TMEM132D: variants seen among roughly 807,000 people sequenced by gnomAD.
TMEM132D encodes mature OL transmembrane protein.
A neutral mutation model predicts 62.3 loss-of-function variants in TMEM132D; 21 were observed. The ratio of observed to expected loss-of-function variants is 0.34; its 90% CI spans 0.24 to 0.49. The LOEUF is 0.49. Among genes scored for constraint, TMEM132D ranks in the 20% least tolerant of loss-of-function variants. The probability of loss-of-function intolerance (pLI) is 0.99; values close to 1 mark genes in which losing one functional copy is unlikely to be tolerated. For missense variants in TMEM132D, 1,346 were observed against 1,402.8 expected (o/e 0.96, Z 0.65); for synonymous variants, 621 against 575.6 (o/e 1.08, Z -1.13).
rs569297726 is a variant in TMEM132D, at chr12:129,842,240, G to A, written c.79+61021C>T. 1.7e-3 allele frequency among the ~76,000 whole-genome samples: 255 copies of A among 151,268 alleles called. 1 individual carries two copies. The highest frequency in any genetic ancestry group is 0.01 in the Middle Eastern group (3 of 292). On this transcript the variant is annotated intron_variant, in intron 1 of 8. Transcript: ENST00000422113. ...TGGGATGACAGGCGTGAGCCACCGC[G>A]CCCGGCCAGCACTCCTGTGTTTTCA...
At position 129,791,951 on chromosome 12, in the gene TMEM132D, C is replaced by T. The variant is rs180700039; in HGVS notation, c.80-91253G>A. Among the ~76,000 whole-genome samples the T allele has an allele frequency of 8.0e-4, 122 of 152,330 alleles. 1 individual carries two copies. The highest frequency in any genetic ancestry group is 7.9e-4 in the Non-Finnish European group (54 of 68,042). ...ACCAAAAGAAGTTATGGAGCCTCCT[C>T]AGCTGATGCTGCCCCCGACAGAGGA... On this transcript the variant is annotated intron_variant, in intron 1 of 8. Transcript: ENST00000422113.
At chr12:129,444,725 A>T (rs926716786) in intron 3 of TMEM132D, among the ~76,000 whole-genome samples, 1 of 152,206 alleles carries the variant, frequency 6.6e-6, no homozygotes, top group Non-Finnish European at 1.5e-5. Context: ...CATGCATATG[A>T]AAAAGGCCCA....
At chr12:129,338,203 A>G (rs1021820873) in intron 3 of TMEM132D, among the ~76,000 whole-genome samples, 1 of 152,158 alleles carries the variant, frequency 6.6e-6, no homozygotes, top group African/African-American at 2.4e-5. Context: ...CTTCCATTGG[A>G]TTTTCCAAAG....
intron 3 of TMEM132D, among the ~76,000 whole-genome samples, chr12:129,444,358 C>A (rs1316081207): frequency 6.6e-6 from 1 of 151,852 alleles, no homozygotes; most frequent in African/African-American, 2.4e-5. Context: ...TGTAACAATA[C>A]ATTCGACAAA....
intron 1 of TMEM132D, among the ~76,000 whole-genome samples, chr12:129,730,436 T>C (rs536268828): frequency 1.1e-3 from 169 of 152,182 alleles, no homozygotes; most frequent in Non-Finnish European, 1.7e-3. Context: ...GAGCTTTATA[T>C]AAACCTTCTA....
At chr12:129,257,522 T>G (rs1880440068) in intron 4 of TMEM132D, among the ~76,000 whole-genome samples, 1 of 152,210 alleles carries the variant, frequency 6.6e-6, no homozygotes, top group Non-Finnish European at 1.5e-5. Flanking sequence ...CCCCTGGTTT[T>G]GACAATGATT....
intron 3 of TMEM132D, among the ~76,000 whole-genome samples, chr12:129,430,409 C>G (rs577496158): frequency 6.6e-6 from 1 of 152,144 alleles, no homozygotes; most frequent in East Asian, 1.9e-4. Flanking sequence ...TCATATCCTT[C>G]GCCCACTTTT....
chr12:129,609,218 T>A (rs372513991), intron 2 of TMEM132D, among the ~76,000 whole-genome samples: 3 of 152,126 alleles, frequency 2.0e-5, no homozygotes, highest in Non-Finnish European at 4.4e-5. Context: ...GTGCTGGGAT[T>A]ACAGGAGTGA....
At chr12:129,594,777 A>ACT (rs1878289275) in intron 2 of TMEM132D, among the ~76,000 whole-genome samples, 1 of 150,994 alleles carries the variant, frequency 6.6e-6, no homozygotes, top group Admixed American at 6.6e-5. Context: ...TCATCCACGG[A>ACT]CTCCCCCTCC....
chr12:129,350,119 A>G (rs1028610623), intron 3 of TMEM132D, among the ~76,000 whole-genome samples: 2 of 152,150 alleles, frequency 1.3e-5, no homozygotes, highest in Admixed American at 1.3e-4. Context: ...TGAATGGAAG[A>G]CCTTTCTTAA....
At chr12:129,223,120 C>T (rs1403749016) in intron 4 of TMEM132D, among the ~76,000 whole-genome samples, 6 of 152,042 alleles carry the variant, frequency 3.9e-5, no homozygotes, top group African/African-American at 7.2e-5. Flanking sequence ...GCAGATTCTT[C>T]GACATTCCTG....
intron 4 of TMEM132D, among the ~76,000 whole-genome samples, chr12:129,304,662 C>CTTT (rs35812965): frequency 3.8e-3 from 358 of 93,536 alleles, no homozygotes; most frequent in Non-Finnish European, 4.8e-3. Flanking sequence ...ATACTTGGAT[C>CTTT]TTTTTTTTTT....
intron 3 of TMEM132D, among the ~76,000 whole-genome samples, chr12:129,440,518 C>G (rs1872908770): frequency 6.6e-6 from 1 of 152,156 alleles, no homozygotes; most frequent in Non-Finnish European, 1.5e-5. Flanking sequence ...TGGGGTTTCT[C>G]TAGGCTCGGT....
rs145261962 is a variant in TMEM132D at position 129,381,242 on chromosome 12, G to T, written c.1116-43425C>A. Among the ~76,000 whole-genome samples, 479 of 152,248 alleles carry T rather than the reference G, an allele frequency of 3.1e-3. 2 individuals carry two copies. Among genetic ancestry groups the T allele is most frequent in the African/African-American group, 0.011 (460 of 41,540 alleles). ...ATATTAAGAGAAACTATGCCAATTAGTATTTTATTTCTTCTTTTCTCCTAT... is the reference window on the plus strand; with the variant it reads ...ATATTAAGAGAAACTATGCCAATTATTATTTTATTTCTTCTTTTCTCCTAT... On this transcript the variant is annotated intron_variant, in intron 3 of 8. Transcript: ENST00000422113.
chr12:129,403,317 T>C (rs1336449779), intron 3 of TMEM132D, among the ~76,000 whole-genome samples: 2 of 148,844 alleles, frequency 1.3e-5, no homozygotes, highest in Non-Finnish European at 3.0e-5. Flanking sequence ...CTCCCAGGCA[T>C]GTCTCACTTA....
At chr12:129,176,749 G>A (rs560595047) in intron 5 of TMEM132D, among the ~76,000 whole-genome samples, 7 of 152,364 alleles carry the variant, frequency 4.6e-5, no homozygotes, top group African/African-American at 1.7e-4. Context: ...ACGAGAGCAG[G>A]CTGGGCATCA....
chr12:129,316,691 T>A (rs1250907723), intron 4 of TMEM132D, among the ~76,000 whole-genome samples: 2 of 152,142 alleles, frequency 1.3e-5, no homozygotes, highest in East Asian at 3.9e-4. Context: ...TTAAATCCAT[T>A]GTTTCTTTGT....
intron 4 of TMEM132D, among the ~76,000 whole-genome samples, chr12:129,296,410 G>A (rs934750450): frequency 8.5e-5 from 13 of 152,304 alleles, no homozygotes; most frequent in Admixed American, 7.8e-4. Context: ...TATCACCCCG[G>A]TTACTTCTAA....
chr12:129,309,326 T>C (rs1276180198), intron 4 of TMEM132D, among the ~76,000 whole-genome samples: 1 of 152,218 alleles, frequency 6.6e-6, no homozygotes, highest in Non-Finnish European at 1.5e-5. Flanking sequence ...AGGGAAGGCA[T>C]AGTCCAATTA....
Sources: allele counts gnomAD v4.1 joint callset (sites outside exome capture counted in the v4.1 genomes callset), GRCh38; gene constraint gnomAD v4.1.1; transcripts MANE v1.5; gene names NCBI Gene and HGNC (gene_info 2026-07-23, HGNC 2026-07-21).